The following RNH1 variants were observed in gnomAD, a reference collection of about 807,000 sequenced individuals.
RNH1 encodes the protein ribonuclease inhibitor.
Under a neutral mutation model 46.1 loss-of-function variants are expected in RNH1, and 38 were observed. The observed-to-expected ratio is 0.82, with a 90% CI of 0.64 to 1.08. RNH1 has a LOEUF of 1.08. RNH1 is among the 50% of genes least tolerant of loss of function. The pLI, the probability that RNH1 is intolerant of heterozygous loss-of-function variation, is 0.00. For synonymous variants in RNH1, 319 were observed against 279.1 expected (o/e 1.14, Z -1.43); for missense variants, 577 against 590.7 (o/e 0.98, Z 0.24).
chr11:495,963 T>A (rs1849016330), intron 9 of RNH1, among the ~76,000 whole-genome samples: 1 of 152,126 alleles, frequency 6.6e-6, no homozygotes, highest in South Asian at 2.1e-4. Context: ...GTAGACTGGC[T>A]GGTAAATGAG....
At position 502,898 on chromosome 11, in the gene RNH1, G is replaced by A. The variant is rs1423565514; in HGVS notation, c.-87-649C>T. 6.6e-6 allele frequency: 1 copy of A among 152,670 alleles called. No homozygotes were observed. Among genetic ancestry groups the A allele is most frequent in the Non-Finnish European group, 1.5e-5 (1 of 68,426 alleles). The allele number at this position is 152,670 out of a possible 1,614,324, so 9.5% of individuals were successfully genotyped here. On this transcript the variant is annotated intron_variant, in intron 2 of 10. Transcript: ENST00000354420. The surrounding 1 kb of genome is among the most constrained non-coding windows in gnomAD (Gnocchi z 5.8). ...GGTGGGTCAGCCTGGGATGGGCACA[G>A]CTGCTACACCCTGAAGCCTCCCCAG...
At chr11:495,566 A>C (rs986646637) in intron 9 of RNH1, among the ~76,000 whole-genome samples, 1 of 152,216 alleles carries the variant, frequency 6.6e-6, no homozygotes, top group Non-Finnish European at 1.5e-5. Flanking sequence ...GAGCCGCCAC[A>C]GGCCGGACAG....
intron 9 of RNH1, among the ~76,000 whole-genome samples, chr11:496,452 G>A (rs373354856): frequency 1.1e-4 from 16 of 152,154 alleles, no homozygotes; most frequent in Non-Finnish European, 1.9e-4. Flanking sequence ...GGCGGATCAC[G>A]AGGTCAGGAT....
intron 9 of RNH1, among the ~76,000 whole-genome samples, 162 bp downstream of exon 9, chr11:497,809 A>G (rs1849306178): frequency 6.8e-6 from 1 of 146,086 alleles, no homozygotes; most frequent in South Asian, 2.2e-4. Flanking sequence ...CCATGCTCAC[A>G]CTCATATGCT....
intron 9 of RNH1, 124 bp downstream of exon 9, chr11:497,847 C>T: frequency 8.3e-7 from 1 of 1,203,450 alleles, no homozygotes; most frequent in Non-Finnish European, 1.2e-6. Context: ...TCGCCTCACC[C>T]ATGTGTGCTC....
At chr11:505,124 ACT>A in intron 1 of RNH1, 128 bp from the exon 2 acceptor site, 1 of 152,202 alleles carries the variant, frequency 6.6e-6, no homozygotes, top group South Asian at 2.1e-4. Flanking sequence ...GTAAAACCAA[ACT>A]GCCCCAACCA....
chr11:502,503 C>A lies in RNH1; in HGVS notation c.-87-254G>T. 2.6e-6 allele frequency: 1 copy of A among 387,406 alleles called. No homozygotes were observed. Among genetic ancestry groups the A allele is most frequent in the South Asian group, 3.0e-5 (1 of 33,684 alleles). 24.0% of individuals were successfully genotyped at this position (387,406 alleles called of 1,614,324 possible). A position where few individuals can be genotyped will look rare whatever the true frequency, so the allele number is the denominator to read the frequency against. On this transcript the variant is annotated intron_variant, in intron 2 of 10. Coordinates refer to ENST00000354420, the MANE Select transcript of RNH1 (RefSeq NM_203387.3). The surrounding 1 kb of genome is among the most constrained non-coding windows in gnomAD (Gnocchi z 5.8). ...GCACCTCCTCCTGCCCCACAGAGGG[C>A]GGGACAGCAGCAGCCCGGGAAGCCC...
chr11:497,343 T>C (rs1270775906), intron 9 of RNH1, among the ~76,000 whole-genome samples: 1 of 135,870 alleles, frequency 7.4e-6, no homozygotes, highest in African/African-American at 2.9e-5. Flanking sequence ...TCTCACGTGC[T>C]CACACACGGA....
chr11:496,824 C>G (rs1328799829), intron 9 of RNH1, among the ~76,000 whole-genome samples: 3 of 152,218 alleles, frequency 2.0e-5, no homozygotes, highest in African/African-American at 7.2e-5. Context: ...ACAAAGAAAA[C>G]AAATCTGGAA....
intron 2 of RNH1, among the ~76,000 whole-genome samples, chr11:504,037 G>C (rs987615979): frequency 6.6e-6 from 1 of 152,226 alleles, no homozygotes; most frequent in Non-Finnish European, 1.5e-5. Flanking sequence ...GTTGAGGCAG[G>C]GATCTGAACA....
In RNH1 at chr11:494,661, C is replaced by T. The variant is rs779658892; in HGVS notation, c.*30G>A. On this transcript the variant is annotated 3_prime_UTR_variant, in exon 11 of 11. Transcript: ENST00000354420. ...GCCCCAGGGTTGCCTCGAGGCCGGT[C>T]GTCCAGGGAGAGCAGCAGCAGGAAG... The T allele has an allele frequency of 1.2e-5, 20 of 1,607,864 alleles. No individual in the cohort carries two copies. Among genetic ancestry groups the T allele is most frequent in the Non-Finnish European group, 1.5e-5 (18 of 1,175,522 alleles).
At chr11:504,206 C>CGGGGCCACCCTCTA (rs1376798546) in intron 2 of RNH1, among the ~76,000 whole-genome samples, 5 of 152,148 alleles carry the variant, frequency 3.3e-5, no homozygotes, top group African/African-American at 1.2e-4. Context: ...GACGGGGGCG[C>CGGGGCCACCCTCTA]GGGGCCACCC....
At position 500,839 on chromosome 11, in the gene RNH1, T is replaced by C. The variant is rs563965502; in HGVS notation, c.102-185A>G. Reference sequence around the variant, plus strand: ...TCCATGAAAGTTTTGTTTAAGATGCTCGCACGTGGCCAGGCGCGGTGGCTC... The same window carrying C: ...TCCATGAAAGTTTTGTTTAAGATGCCCGCACGTGGCCAGGCGCGGTGGCTC... On this transcript the variant is annotated intron_variant, in intron 3 of 10. Coordinates refer to ENST00000354420, the MANE Select transcript of RNH1 (RefSeq NM_203387.3). 44 of 782,468 alleles carry C rather than the reference T, an allele frequency of 5.6e-5. No homozygotes were observed. The Admixed American group carries it at 7.4e-4, about 13-fold the overall frequency. The allele number at this position is 782,468 out of a possible 1,614,324, so 48.5% of individuals were successfully genotyped here.
Position 497,994 on chromosome 11 carries a change from A to T in RNH1, c.1104T>A (p.Pro368=), listed in dbSNP as rs200489835. 6.2e-7 allele frequency: 1 copy of T among 1,613,894 alleles called. No homozygotes were observed. ...VRELCQGLGQ[P]GSVLRVLWLA... is the part of the protein sequence containing the mutation. ...ACCAGAGCACCCGCAGCACAGAGCCAGGCTGGCCCAGGCCCTGGCACAGCT... is the reference window on the plus strand; with the variant it reads ...ACCAGAGCACCCGCAGCACAGAGCCTGGCTGGCCCAGGCCCTGGCACAGCT... The change falls in exon 9 of 11, where the codon CCT becomes CCA. Residue 368 remains proline (P), a synonymous_variant. Coordinates refer to ENST00000354420, the MANE Select transcript of RNH1 (RefSeq NM_203387.3).
Position 498,522 on chromosome 11 carries a change from C to T in RNH1, c.891G>A (p.Gly297=). 1 of 1,613,340 alleles carries T rather than the reference C, an allele frequency of 6.2e-7. No individual in the cohort carries two copies. The highest frequency in any genetic ancestry group is 8.5e-7 in the Non-Finnish European group (1 of 1,180,008). The change falls in exon 8 of 11, where the codon GGG becomes GGA. Residue 297 remains glycine (G), a synonymous_variant. Coordinates refer to ENST00000354420, the MANE Select transcript of RNH1 (RefSeq NM_203387.3). The part of the protein sequence containing the change: ...KELSLAGNEL[G]DEGARLLCET... ...CACACAGCAGTCGGGCACCCTCATC[C>T]CCCAGCTCGTTGCCGGCCAGGCTGA...
Position 495,010 on chromosome 11 carries a change from C to G in RNH1, c.1171G>C (p.Ala391Pro). The change falls in exon 10 of 11, where the codon GCC becomes CCC. Residue 391 changes from alanine (A) to proline (P), a missense_variant. Coordinates refer to ENST00000354420, the MANE Select transcript of RNH1 (RefSeq NM_203387.3). ...DVSDSSCSSLAATLLANHSLR... is the reference protein window; with the variant it reads ...DVSDSSCSSLPATLLANHSLR... ...CTGTGGTTGGCCAACAGGGTTGCGG[C>G]GAGGCTGCTGCAGCTGCTGTCACTC... 1 of 1,604,382 alleles carries G rather than the reference C, an allele frequency of 6.2e-7. No homozygotes were observed. Among genetic ancestry groups the G allele is most frequent in the South Asian group, 1.1e-5 (1 of 89,670 alleles).
In RNH1 at chr11:495,031, C is replaced by CA; in HGVS notation, c.1149dup (p.Asp384Ter). 1 of 1,605,308 alleles carries CA rather than the reference C, an allele frequency of 6.2e-7. No individual in the cohort carries two copies. Among genetic ancestry groups the CA allele is most frequent in the Non-Finnish European group, 8.5e-7 (1 of 1,176,718 alleles). ...GCGGCGAGGCTGCTGCAGCTGCTGTCACTCACATCGCAGTCGGCCAACCTG... is the reference window on the plus strand; with the variant it reads ...GCGGCGAGGCTGCTGCAGCTGCTGTCAACTCACATCGCAGTCGGCCAACCTG... On this transcript the variant is annotated frameshift_variant, in exon 10 of 11. Coordinates refer to ENST00000354420, the MANE Select transcript of RNH1 (RefSeq NM_203387.3). LOFTEE classifies it high-confidence loss of function.
intron 1 of RNH1, chr11:506,240 TCTTTAGG>T (rs942792377): frequency 1.3e-5 from 2 of 152,318 alleles, no homozygotes; most frequent in African/African-American, 4.8e-5. Context: ...CGTTTTCAGA[TCTTTAGG>T]CTTTCCACCA....
Position 494,686 on chromosome 11 carries a change from G to A in RNH1, c.*5C>T, listed in dbSNP as rs771216093. ...CGTCCAGGGAGAGCAGCAGCAGGAA[G>A]AGCCTCAGGAGATGACCCTCAGGGA... On this transcript the variant is annotated 3_prime_UTR_variant, in exon 11 of 11. Coordinates refer to ENST00000354420, the MANE Select transcript of RNH1 (RefSeq NM_203387.3). The A allele has an allele frequency of 3.8e-5, 61 of 1,613,324 alleles. No individual in the cohort carries two copies. The highest frequency in any genetic ancestry group is 5.1e-5 in the Non-Finnish European group (60 of 1,179,634).
Sources: allele counts gnomAD v4.1 joint callset (sites outside exome capture counted in the v4.1 genomes callset), GRCh38; gene constraint gnomAD v4.1.1; non-coding constraint Gnocchi (gnomAD v3.1); transcripts MANE v1.5; gene names NCBI Gene and HGNC (gene_info 2026-07-23, HGNC 2026-07-21).